MN1: variants seen among roughly 807,000 people sequenced by gnomAD.
MN1 encodes transcriptional activator MN1.
A neutral mutation model predicts 86.9 loss-of-function variants in MN1; 19 were observed. The observed-to-expected ratio is 0.22, with a 90% CI of 0.15 to 0.32. MN1 has a LOEUF of 0.32. MN1 is among the 10% of genes least tolerant of loss of function. MN1 has a pLI of 1.00. For missense variants in MN1, 1,841 were observed against 1,862.0 expected, an observed-to-expected ratio of 0.99 and a Z score of 0.21; for synonymous variants, 928 against 849.6, an observed-to-expected ratio of 1.09 and a Z score of -1.60.
intron 1 of MN1, among the ~76,000 whole-genome samples, chr22:27,788,671 G>A (rs45531433): frequency 6.6e-6 from 1 of 151,420 alleles, no homozygotes; most frequent in African/African-American, 2.4e-5. Context: ...GGATGAGCAA[G>A]AAGTTATGTG....
At chr22:27,772,240 G>A (rs560790566) in intron 1 of MN1, among the ~76,000 whole-genome samples, 2 of 152,268 alleles carry the variant, frequency 1.3e-5, no homozygotes, top group Non-Finnish European at 2.9e-5. Flanking sequence ...GGCCAACTCA[G>A]CCCTTTTTCA....
intron 1 of MN1, among the ~76,000 whole-genome samples, chr22:27,794,191 A>G (rs1933253226): frequency 6.6e-6 from 1 of 152,202 alleles, no homozygotes; most frequent in Non-Finnish European, 1.5e-5. Flanking sequence ...GGCCTGTAGA[A>G]AGCTCTGTGT....
Position 27,799,894 on chromosome 22 carries a change from A to C in MN1, c.650T>G (p.Leu217Arg). ...TTGGTTCGTCACCCTCCGTGGCTCC[A>C]GACTGTGGGAATCGGAGCCGCTGGA... ...PSSSGSDSHS[L>R]EPRRVTNQGA... The change falls in exon 1 of 2, where the codon CTG (leucine) becomes CGG (arginine). Residue 217 changes from leucine (L) to arginine (R), a missense_variant. Transcript: ENST00000302326. 6.2e-7 allele frequency: 1 copy of C among 1,603,010 alleles called. No individual in the cohort carries two copies. The highest frequency in any genetic ancestry group is 8.5e-7 in the Non-Finnish European group (1 of 1,176,138).
intron 1 of MN1, among the ~76,000 whole-genome samples, chr22:27,788,864 G>A (rs181698121): frequency 1.3e-5 from 2 of 152,162 alleles, no homozygotes; most frequent in East Asian, 1.9e-4. Context: ...GTCATACCAC[G>A]CAAAACGAGT....
intron 1 of MN1, among the ~76,000 whole-genome samples, chr22:27,754,402 C>A (rs922929917): frequency 6.6e-6 from 1 of 152,228 alleles, no homozygotes; most frequent in Non-Finnish European, 1.5e-5. Context: ...CCCTTCTCCC[C>A]ACCCCAGCAG....
Position 27,762,369 on chromosome 22 carries a change from A to C in MN1, c.3782-11273T>G, listed in dbSNP as rs45549041. On this transcript the variant is annotated intron_variant, in intron 1 of 1. Coordinates refer to ENST00000302326, the MANE Select transcript of MN1 (RefSeq NM_002430.3). ...AGACAGTATCATTCTCATAGGAGGG[A>C]AGGCCTGGGGGCAATACAAGCAAAG... Among the ~76,000 whole-genome samples the C allele has an allele frequency of 1.8e-4, 28 of 152,258 alleles. No individual in the cohort carries two copies. The East Asian group carries it at 5.2e-3, about 28-fold the overall frequency.
At position 27,801,091 on chromosome 22, in the gene MN1, C is replaced by G. The variant is rs1019637823; in HGVS notation, c.-548G>C. ...ACAGAGCGGTCCCTCCCCCCGCCCC[C>G]CGGAGTCCCCGCGCCCCGCAGCCCG... On this transcript the variant is annotated 5_prime_UTR_variant, in exon 1 of 2. Transcript: ENST00000302326. The G allele has an allele frequency of 1.3e-5, 3 of 232,678 alleles. No individual in the cohort carries two copies. The highest frequency in any genetic ancestry group is 6.7e-5 in the African/African-American group (3 of 44,852). 14.4% of individuals were successfully genotyped at this position (232,678 alleles called of 1,614,324 possible).
intron 1 of MN1, among the ~76,000 whole-genome samples, chr22:27,795,893 G>A (rs930848561): frequency 6.6e-6 from 1 of 152,170 alleles, no homozygotes; most frequent in Non-Finnish European, 1.5e-5. Flanking sequence ...AAGGCCTCCA[G>A]GCCTGGTGGG....
intron 1 of MN1, among the ~76,000 whole-genome samples, chr22:27,759,289 T>A (rs972865314): frequency 2.0e-5 from 3 of 152,092 alleles, no homozygotes; most frequent in Admixed American, 1.3e-4. Flanking sequence ...CTGTGCACAC[T>A]TGATCCCTGG....
rs879351043 is a variant in MN1 at position 27,801,279 on chromosome 22, G to A, written c.-736C>T. ...GGCTGCGAGGCGGCAGGCGCCGGGG[G>A]CTGGAGCCGAGGGTCGGGGAAAGGC... is the stretch of plus-strand genomic sequence containing the variant. On this transcript the variant is annotated 5_prime_UTR_variant, in exon 1 of 2. Coordinates refer to ENST00000302326, the MANE Select transcript of MN1 (RefSeq NM_002430.3). 123 of 219,626 alleles carry A rather than the reference G, an allele frequency of 5.6e-4. No individual in the cohort carries two copies. The highest frequency in any genetic ancestry group is 9.7e-4 in the Non-Finnish European group (106 of 109,718). 13.6% of individuals were successfully genotyped at this position (219,626 alleles called of 1,614,324 possible). A position where few individuals can be genotyped will look rare whatever the true frequency, so the allele number is the denominator to read the frequency against.
At position 27,749,448 on chromosome 22, in the gene MN1, TC is replaced by T. The variant is rs887676131; in HGVS notation, c.*1466del. 1 of 231,916 alleles carries T rather than the reference TC, an allele frequency of 4.3e-6. No homozygotes were observed. The highest frequency in any genetic ancestry group is 5.6e-5 in the Admixed American group (1 of 17,724). 14.4% of individuals were successfully genotyped at this position (231,916 alleles called of 1,614,324 possible). A position where few individuals can be genotyped will look rare whatever the true frequency, so the allele number is the denominator to read the frequency against. ...TTTGGGTGAAGTGATATCAGTTACT[TC>T]CTGTCTAACCCACCGGGGAATCTAT... On this transcript the variant is annotated 3_prime_UTR_variant, in exon 2 of 2. Coordinates refer to ENST00000302326, the MANE Select transcript of MN1 (RefSeq NM_002430.3).
intron 1 of MN1, among the ~76,000 whole-genome samples, chr22:27,765,611 GGACA>G (rs1025386629): frequency 6.6e-6 from 1 of 152,246 alleles, no homozygotes; most frequent in African/African-American, 2.4e-5. Context: ...AACTCTGAAA[GGACA>G]GACTGATGGG....
chr22:27,799,463 G>A lies in MN1; in HGVS notation c.1081C>T (p.Pro361Ser), dbSNP rs745732833. 3 of 1,455,506 alleles carry A rather than the reference G, an allele frequency of 2.1e-6. No homozygotes were observed. The highest frequency in any genetic ancestry group is 2.7e-6 in the Non-Finnish European group (3 of 1,105,562). 90.2% of individuals were successfully genotyped at this position (1,455,506 alleles called of 1,614,324 possible). Residue 361 changes from proline to serine, a missense_variant, in exon 1 of 2, where the codon CCG becomes TCG. Pro to Ser is a moderately conservative substitution (Grantham distance 74, BLOSUM62 -1). Transcript: ENST00000302326. ...QPPQQPPQQQPPPPPGLLVRQ... is the reference protein window; with the variant it reads ...QPPQQPPQQQSPPPPGLLVRQ... ...ACTAGAAGCCCGGGTGGCGGCGGCG[G>A]CTGCTGCTGTGGCGGCTGCTGCGGG...
At chr22:27,760,416 G>A (rs1402853299) in intron 1 of MN1, among the ~76,000 whole-genome samples, 1 of 151,906 alleles carries the variant, frequency 6.6e-6, no homozygotes, top group Non-Finnish European at 1.5e-5. Context: ...GGCTGGTGCA[G>A]GAGGATCTAT....
chr22:27,798,258 G>T lies in MN1; in HGVS notation c.2286C>A (p.Gly762=). ...CTCCCGCGCTGGGGGGCGAGTTCACGCCTGGACCGCTGTGCGGCGTGGACT... is the reference window on the plus strand; with the variant it reads ...CTCCCGCGCTGGGGGGCGAGTTCACTCCTGGACCGCTGTGCGGCGTGGACT... ...GRQSTPHSGP[G]VNSPPSAGGG... The change falls in exon 1 of 2, where the codon GGC becomes GGA. Residue 762 remains glycine (G), a synonymous_variant. Coordinates refer to ENST00000302326, the MANE Select transcript of MN1 (RefSeq NM_002430.3). 1 of 1,527,316 alleles carries T rather than the reference G, an allele frequency of 6.5e-7. No homozygotes were observed. The highest frequency in any genetic ancestry group is 8.7e-7 in the Non-Finnish European group (1 of 1,148,090). The allele number at this position is 1,527,316 out of a possible 1,614,324, so 94.6% of individuals were successfully genotyped here. A position where few individuals can be genotyped will look rare whatever the true frequency, so the allele number is the denominator to read the frequency against.
In MN1 at chr22:27,800,149, C is replaced by A; in HGVS notation, c.395G>T (p.Arg132Leu). The A allele has an allele frequency of 2.6e-6, 4 of 1,554,432 alleles. No homozygotes were observed. The highest frequency in any genetic ancestry group is 2.0e-5 in the Admixed American group (1 of 51,008). Residue 132 changes from arginine (R) to leucine (L), a missense_variant, in exon 1 of 2, where the codon CGC (arginine) becomes CTC (leucine). Transcript: ENST00000302326. ...DPGASCLHGG[R>L]LLGYGGAAGG... The stretch of plus-strand genomic sequence containing the variant: ...GGCTGCGCCGCCGTAGCCGAGCAGG[C>A]GACCCCCGTGCAGGCACGAGGCCCC...
chr22:27,800,535 C>T lies in MN1; in HGVS notation c.9G>A (p.Gly3=). The part of the protein sequence containing the change: MF[G]LDQFEPQVNS... ...TGACCTGGGGCTCGAATTGGTCCAG[C>T]CCAAACATACTTGGCGGGGGGCAGA... The change falls in exon 1 of 2, where the codon GGG becomes GGA. Residue 3 remains glycine, a synonymous_variant. Transcript: ENST00000302326. The T allele has an allele frequency of 6.2e-7, 1 of 1,614,132 alleles. No individual in the cohort carries two copies. The highest frequency in any genetic ancestry group is 8.5e-7 in the Non-Finnish European group (1 of 1,180,024).
intron 1 of MN1, among the ~76,000 whole-genome samples, chr22:27,785,420 C>G (rs965697756): frequency 3.9e-5 from 6 of 152,208 alleles, no homozygotes; most frequent in Non-Finnish European, 5.9e-5. Flanking sequence ...CCACATCTTA[C>G]GCCTGGACGC....
intron 1 of MN1, among the ~76,000 whole-genome samples, chr22:27,761,384 A>T (rs1601324784): frequency 7.4e-6 from 1 of 134,976 alleles, no homozygotes; most frequent in African/African-American, 2.8e-5. Flanking sequence ...AGTTCTTCTT[A>T]TTTCTCTCTC....
Sources: allele counts gnomAD v4.1 joint callset (sites outside exome capture counted in the v4.1 genomes callset), GRCh38; gene constraint gnomAD v4.1.1; transcripts MANE v1.5; gene names NCBI Gene and HGNC (gene_info 2026-07-23, HGNC 2026-07-21).